Variants in INHBA observed in about 807,000 individuals in gnomAD.
INHBA encodes the protein inhibin beta A chain.
In INHBA, 1 loss-of-function variant was observed where a neutral mutation model predicts 29.0. That is an observed-to-expected ratio of 0.03 (90% CI 0.01 to 0.16). The LOEUF (loss-of-function observed/expected upper bound fraction) is 0.16. Among genes scored for constraint, INHBA ranks in the 10% least tolerant of loss-of-function variants. INHBA has a pLI of 1.00. For missense variants in INHBA, 376 were observed against 545.4 expected (o/e 0.69, Z 3.09); for synonymous variants, 242 against 216.8 (o/e 1.12, Z -1.02).
At chr7:41,691,462 G>A (rs1794524771) in intron 2 of INHBA, 1 of 152,374 alleles carries the variant, frequency 6.6e-6, no homozygotes. Context: ...GAAAGTGGCT[G>A]GGACTTTGGG....
rs746246972 is a variant in INHBA, at chr7:41,685,730, A to G, written c.*3920T>C. ...TAAAAAATAAATAATAATATAGCTG[A>G]GACATGTGGTTTGCTTCTGCTCTTG... On this transcript the variant is annotated 3_prime_UTR_variant, in exon 3 of 3. Transcript: ENST00000242208. 5 of 152,140 alleles carry G rather than the reference A, an allele frequency of 3.3e-5. No homozygotes were observed. The highest frequency in any genetic ancestry group is 1.3e-4 in the Admixed American group (2 of 15,274). 9.4% of individuals were successfully genotyped at this position (152,140 alleles called of 1,614,324 possible).
At position 41,688,712 on chromosome 7, in the gene INHBA, T is replaced by C. The variant is rs549761049; in HGVS notation, c.*938A>G. 7.0e-6 allele frequency: 1 copy of C among 142,954 alleles called. No homozygotes were observed. The highest frequency in any genetic ancestry group is 2.7e-5 in the African/African-American group (1 of 37,290). 8.9% of individuals were successfully genotyped at this position (142,954 alleles called of 1,614,324 possible). ...CATTGTAGTGCAAATAGTAAACGAT[T>C]AAAAAAAAAACAACAACAACATTTA... On this transcript the variant is annotated 3_prime_UTR_variant, in exon 3 of 3. Coordinates refer to ENST00000242208, the MANE Select transcript of INHBA (RefSeq NM_002192.4).
chr7:41,704,450 T>C (rs1266740506), upstream of INHBA, among the ~76,000 whole-genome samples: 4 of 152,176 alleles, frequency 2.6e-5, no homozygotes, highest in Non-Finnish European at 4.4e-5. Flanking sequence ...GCCCCTCAGC[T>C]TAGCACTGGG....
intron 2 of INHBA, among the ~76,000 whole-genome samples, chr7:41,696,720 T>A (rs980097803): frequency 1.3e-5 from 2 of 152,078 alleles, no homozygotes; most frequent in Non-Finnish European, 2.9e-5. Context: ...GAAGGTGGGA[T>A]TGGAATGGTG....
intron 2 of INHBA, among the ~76,000 whole-genome samples, chr7:41,698,023 G>C (rs570092810): frequency 6.6e-6 from 1 of 152,216 alleles, no homozygotes; most frequent in South Asian, 2.1e-4. Flanking sequence ...TCTTAAACTT[G>C]ACTCAATGTG....
In INHBA at chr7:41,688,937, G is replaced by T. The variant is rs1238511371; in HGVS notation, c.*713C>A. 1 of 231,468 alleles carries T rather than the reference G, an allele frequency of 4.3e-6. No individual in the cohort carries two copies. Among genetic ancestry groups the T allele is most frequent in the East Asian group, 6.1e-5 (1 of 16,420 alleles). 14.3% of individuals were successfully genotyped at this position (231,468 alleles called of 1,614,324 possible). ...AAGCACCTTAACGAAATGTAACTTG[G>T]TATTCTTTTTTCCTTGATCTTTCAT... On this transcript the variant is annotated 3_prime_UTR_variant, in exon 3 of 3. Coordinates refer to ENST00000242208, the MANE Select transcript of INHBA (RefSeq NM_002192.4).
At chr7:41,695,115 G>A (rs1393442806) in intron 2 of INHBA, among the ~76,000 whole-genome samples, 2 of 152,310 alleles carry the variant, frequency 1.3e-5, no homozygotes, top group Admixed American at 6.5e-5. Flanking sequence ...GTGGGTCTAT[G>A]AACATTTTCA....
At chr7:41,703,990 G>A (rs1305237115), upstream of INHBA, among the ~76,000 whole-genome samples, 2 of 152,168 alleles carry the variant, frequency 1.3e-5, no homozygotes, top group Non-Finnish European at 2.9e-5. Context: ...ACAGGAGGAA[G>A]GGGTCCTCTG....
intron 2 of INHBA, among the ~76,000 whole-genome samples, chr7:41,696,685 G>T (rs1011622998): frequency 2.0e-5 from 3 of 152,100 alleles, no homozygotes; most frequent in African/African-American, 7.2e-5. Context: ...ATCCCTAAAG[G>T]AGGGGTGATT....
chr7:41,699,878 G>A (rs372893931), intron 2 of INHBA, 109 bp downstream of exon 2: 3 of 802,744 alleles, frequency 3.7e-6, no homozygotes, highest in African/African-American at 3.4e-5. Flanking sequence ...ACCTTCCCAG[G>A]CAGTTTCCAG....
chr7:41,697,234 C>A (rs1408559462), intron 2 of INHBA, among the ~76,000 whole-genome samples: 1 of 152,136 alleles, frequency 6.6e-6, no homozygotes, highest in African/African-American at 2.4e-5. Context: ...GCCAGCCATG[C>A]AAAGAACACA....
chr7:41,693,571 C>A (rs997365948), intron 2 of INHBA, among the ~76,000 whole-genome samples: 1 of 152,154 alleles, frequency 6.6e-6, no homozygotes, highest in African/African-American at 2.4e-5. Context: ...TCTAGCCCCA[C>A]CCCTTCTTCA....
At chr7:41,699,940 C>CTT in intron 2 of INHBA, 47 bp downstream of exon 2, 1 of 227,084 alleles carries the variant, frequency 4.4e-6, no homozygotes, top group South Asian at 6.9e-5. Flanking sequence ...ATATTTTACC[C>CTT]TCCCACCCCC....
intron 2 of INHBA, among the ~76,000 whole-genome samples, chr7:41,698,256 G>A (rs1353741098): frequency 6.6e-6 from 1 of 152,088 alleles, no homozygotes; most frequent in Non-Finnish European, 1.5e-5. Context: ...GTCAGAAAGA[G>A]GGGCATATTG....
Position 41,687,862 on chromosome 7 carries a change from T to C in INHBA, c.*1788A>G, listed in dbSNP as rs1417883210. The C allele has an allele frequency of 6.6e-6, 1 of 152,246 alleles. No homozygotes were observed. Among genetic ancestry groups the C allele is most frequent in the Non-Finnish European group, 1.5e-5 (1 of 68,042 alleles). 9.4% of individuals were successfully genotyped at this position (152,246 alleles called of 1,614,324 possible). ...TTCTGAAAAAGCTTCTGATTTAAGA[T>C]TGATTCCAATAGACACTAAGTTGGA... is the stretch of plus-strand genomic sequence containing the variant. On this transcript the variant is annotated 3_prime_UTR_variant, in exon 3 of 3. Transcript: ENST00000242208.
In INHBA at chr7:41,688,220, C is replaced by T. The variant is rs1049752403; in HGVS notation, c.*1430G>A. 6.6e-6 allele frequency: 1 copy of T among 152,172 alleles called. No individual in the cohort carries two copies. Among genetic ancestry groups the T allele is most frequent in the African/African-American group, 2.4e-5 (1 of 41,434 alleles). 9.4% of individuals were successfully genotyped at this position (152,172 alleles called of 1,614,324 possible). ...ACATGGTACAATACATGTATATATA[C>T]ATACAGATATGCATATGCACAAGCA... On this transcript the variant is annotated 3_prime_UTR_variant, in exon 3 of 3. Coordinates refer to ENST00000242208, the MANE Select transcript of INHBA (RefSeq NM_002192.4).
chr7:41,696,782 C>A (rs1325950063), intron 2 of INHBA, among the ~76,000 whole-genome samples: 1 of 152,110 alleles, frequency 6.6e-6, no homozygotes, highest in African/African-American at 2.4e-5. Flanking sequence ...AAATGGTCAT[C>A]CAAGCAAAGC....
Position 41,700,015 on chromosome 7 carries a change from G to C in INHBA, c.360C>G (p.Thr120=). The stretch of plus-strand genomic sequence containing the variant: ...ACTCGGCAAACGTGATGATCTCCGA[G>C]GTCTGCTCCATAAGTTCATTCATTT... ...RAEMNELMEQ[T]SEIITFAESG... The change falls in exon 2 of 3, where the codon ACC becomes ACG. Residue 120 remains threonine, a synonymous_variant. Coordinates refer to ENST00000242208, the MANE Select transcript of INHBA (RefSeq NM_002192.4). 1.3e-6 allele frequency: 2 copies of C among 1,597,462 alleles called. No homozygotes were observed. The highest frequency in any genetic ancestry group is 1.7e-6 in the Non-Finnish European group (2 of 1,177,090).
In INHBA at chr7:41,688,443, T is replaced by C. The variant is rs1485419596; in HGVS notation, c.*1207A>G. 2 of 152,100 alleles carry C rather than the reference T, an allele frequency of 1.3e-5. No individual in the cohort carries two copies. Among genetic ancestry groups the C allele is most frequent in the Non-Finnish European group, 2.9e-5 (2 of 68,018 alleles). 9.4% of individuals were successfully genotyped at this position (152,100 alleles called of 1,614,324 possible). A position where few individuals can be genotyped will look rare whatever the true frequency, so the allele number is the denominator to read the frequency against. On this transcript the variant is annotated 3_prime_UTR_variant, in exon 3 of 3. Coordinates refer to ENST00000242208, the MANE Select transcript of INHBA (RefSeq NM_002192.4). ...ACCTTGAATCCCAACCCCTGACTCA[T>C]TGATGGTGAATGATACCAACCACAG... is the stretch of plus-strand genomic sequence containing the variant.
Sources: gnomAD v4.1 joint callset for allele counts (sites outside exome capture counted in the v4.1 genomes callset) on GRCh38, gnomAD v4.1.1 for gene constraint, MANE v1.5 for transcripts, NCBI Gene and HGNC (gene_info 2026-07-23, HGNC 2026-07-21) for gene names.